FURIN: variants seen among roughly 807,000 people sequenced by gnomAD.
The protein encoded by FURIN is FES upstream region.
A neutral mutation model predicts 89.2 loss-of-function variants in FURIN; 18 were observed. The observed-to-expected ratio is 0.20, with a 90% CI of 0.14 to 0.30. The LOEUF is 0.30. Ranked by LOEUF, FURIN falls within the 10% of genes least tolerant of loss-of-function variation. The probability of loss-of-function intolerance (pLI) is 1.00; values close to 1 mark genes in which losing one functional copy is unlikely to be tolerated. For synonymous variants in FURIN, 508 were observed against 466.4 expected (o/e 1.09, Z -1.15); for missense variants, 879 against 1,100.5 (o/e 0.80, Z 2.85).
rs923239134 is a variant in FURIN, at chr15:90,877,301, A to G, written c.578+90A>G. ...AGCCTGGGTGAGATGTGCCTTGCCT[A>G]AAAGGCTGAGGCTTTTCCCACAGTC... On this transcript the variant is annotated intron_variant, in intron 6 of 15. Transcript: ENST00000268171. 21 of 1,176,138 alleles carry G rather than the reference A, an allele frequency of 1.8e-5. 1 individual carries two copies. The African/African-American group carries it at 2.2e-4, about 12-fold the overall frequency. The allele number at this position is 1,176,138 out of a possible 1,614,324, so 72.9% of individuals were successfully genotyped here. A position where few individuals can be genotyped will look rare whatever the true frequency, so the allele number is the denominator to read the frequency against.
intron 1 of FURIN, among the ~76,000 whole-genome samples, chr15:90,870,676 A>G (rs2031243366): frequency 6.6e-6 from 1 of 152,176 alleles, no homozygotes; most frequent in Admixed American, 6.5e-5. Flanking sequence ...AAGTAGCACA[A>G]ACGTTTTCTA....
At position 90,879,485 on chromosome 15, in the gene FURIN, G is replaced by A. The variant is rs757869832; in HGVS notation, c.1095G>A (p.Thr365=). 5.9e-5 allele frequency: 95 copies of A among 1,613,448 alleles called. No homozygotes were observed. Among genetic ancestry groups the A allele is most frequent in the Non-Finnish European group, 8.5e-7 (1 of 1,179,756 alleles). Residue 365 remains threonine (T), a synonymous_variant, in exon 10 of 16, where the codon ACG becomes ACA. Coordinates refer to ENST00000268171, the MANE Select transcript of FURIN (RefSeq NM_002569.4). The part of the protein sequence containing the change: ...DLRQKCTESH[T]GTSASAPLAA... ...GGCAGAAGTGCACGGAGTCTCACAC[G>A]GGCACCTCAGCCTCTGCCCCCTTAG...
At chr15:90,880,533 G>A (rs575587476) in intron 13 of FURIN, among the ~76,000 whole-genome samples, 158 bp from the exon 14 acceptor site, 5 of 152,158 alleles carry the variant, frequency 3.3e-5, no homozygotes, top group African/African-American at 7.2e-5. Flanking sequence ...AGTTGAGCAC[G>A]TCTGGCTCAC....
At chr15:90,870,655 C>A (rs1449184158) in intron 1 of FURIN, among the ~76,000 whole-genome samples, 2 of 152,186 alleles carry the variant, frequency 1.3e-5, no homozygotes, top group Non-Finnish European at 2.9e-5. Flanking sequence ...CAAGCAGCGT[C>A]GGCCTCAGCC....
chr15:90,880,404 AG>A, intron 13 of FURIN, 131 bp downstream of exon 13: 1 of 782,628 alleles, frequency 1.3e-6, no homozygotes, highest in Non-Finnish European at 2.0e-6. Flanking sequence ...GCATTTTGGG[AG>A]GGACAATTTT....
At chr15:90,879,098 T>C in intron 9 of FURIN, 122 bp downstream of exon 9, 1 of 658,482 alleles carries the variant, frequency 1.5e-6, no homozygotes, top group Non-Finnish European at 2.7e-6. Flanking sequence ...GGCTCAGGCA[T>C]CATGCAACAT....
intron 13 of FURIN, 106 bp from the exon 14 acceptor site, chr15:90,880,585 G>T: frequency 7.8e-7 from 1 of 1,278,794 alleles, no homozygotes; most frequent in South Asian, 1.5e-5. Flanking sequence ...GCCCCATGGG[G>T]TTGGTCTGCG....
chr15:90,877,271 G>T, intron 6 of FURIN, 60 bp downstream of exon 6: 1 of 1,358,220 alleles, frequency 7.4e-7, no homozygotes, highest in Non-Finnish European at 1.0e-6. Flanking sequence ...TAAGGAACAG[G>T]GCTGAGCCTG....
intron 1 of FURIN, among the ~76,000 whole-genome samples, chr15:90,875,094 G>T (rs1343573565): frequency 1.3e-5 from 2 of 149,084 alleles, no homozygotes; most frequent in African/African-American, 2.5e-5. Flanking sequence ...GAATGCAGTG[G>T]CGCGATCTTG....
chr15:90,880,318 TCA>T (rs1163198197), intron 13 of FURIN, 45 bp downstream of exon 13: 2 of 1,480,314 alleles, frequency 1.4e-6, no homozygotes. Flanking sequence ...CCGCCGCCTC[TCA>T]CAGCCCGCGT....
intron 8 of FURIN, among the ~76,000 whole-genome samples, 154 bp downstream of exon 8, chr15:90,878,458 C>T (rs1253303078): frequency 6.6e-6 from 1 of 152,234 alleles, no homozygotes; most frequent in Non-Finnish European, 1.5e-5. Context: ...GAGTAGAGTG[C>T]ATATACCACT....
chr15:90,876,542 T>C lies in FURIN; in HGVS notation c.357T>C (p.Pro119=). ...AGGAGCCCACAGACCCCAAGTTTCC[T>C]CAGCAGTGGTACCTGGTACGTGGCC... ...VYQEPTDPKF[P]QQWYLSGVTQ... The change falls in exon 4 of 16, where the codon CCT becomes CCC. Residue 119 remains proline (P), a synonymous_variant. Transcript: ENST00000268171. The surrounding 1 kb of genome is among the most constrained non-coding windows in gnomAD (Gnocchi z 5.0). 1 of 1,611,620 alleles carries C rather than the reference T, an allele frequency of 6.2e-7. No individual in the cohort carries two copies. Among genetic ancestry groups the C allele is most frequent in the Non-Finnish European group, 8.5e-7 (1 of 1,177,710 alleles).
In FURIN at chr15:90,881,327, C is replaced by T; in HGVS notation, c.1834C>T (p.Gln612Ter). 6.2e-7 allele frequency: 1 copy of T among 1,612,140 alleles called. No homozygotes were observed. Among genetic ancestry groups the T allele is most frequent in the Non-Finnish European group, 8.5e-7 (1 of 1,179,216 alleles). ...GFSLHQKSCV[Q>*]HCPPGFAPQV... ...CTCCCTGCACCAGAAGAGCTGTGTC[C>T]AGCACTGCCCTCCAGGGTTCGCCCC... is the stretch of plus-strand genomic sequence containing the variant. The change falls in exon 16 of 16, where the codon CAG (glutamine) becomes TAG (stop). Residue 612 changes from glutamine to a stop codon, truncating the protein, a stop_gained. Coordinates refer to ENST00000268171, the MANE Select transcript of FURIN (RefSeq NM_002569.4). LOFTEE classifies it high-confidence loss of function. This position sits in a 1 kb window ranked among gnomAD's most constrained non-coding sequence, Gnocchi z 4.3.
chr15:90,875,097 C>T (rs1276640418), intron 1 of FURIN, among the ~76,000 whole-genome samples: 13 of 145,644 alleles, frequency 8.9e-5, no homozygotes, highest in Non-Finnish European at 1.3e-4. Context: ...TGCAGTGGCG[C>T]GATCTTGGCT....
At position 90,880,113 on chromosome 15, in the gene FURIN, G is replaced by A. The variant is rs1008495001; in HGVS notation, c.1396G>A (p.Glu466Lys). ...TEPKDIGKRL[E>K]VRKTVTACLG... Reference sequence around the variant, plus strand: ...GCACAGAGACATCGGGAAACGGCTCGAGGTGCGGAAGACCGTGACCGCGTG... The same window carrying A: ...GCACAGAGACATCGGGAAACGGCTCAAGGTGCGGAAGACCGTGACCGCGTG... The change falls in exon 13 of 16, where the codon GAG (glutamate) becomes AAG (lysine). Residue 466 changes from glutamate (E) to lysine (K), a missense_variant. By Grantham distance (56) the Glu-to-Lys change is moderately conservative (BLOSUM62 1). Coordinates refer to ENST00000268171, the MANE Select transcript of FURIN (RefSeq NM_002569.4). 5 of 1,606,790 alleles carry A rather than the reference G, an allele frequency of 3.1e-6. No individual in the cohort carries two copies. The highest frequency in any genetic ancestry group is 1.3e-5 in the African/African-American group (1 of 74,976).
At position 90,872,927 on chromosome 15, in the gene FURIN, G is replaced by C. The variant is rs549649398; in HGVS notation, c.-159-2655G>C. The stretch of plus-strand genomic sequence containing the variant: ...GGCGCAATTTGAGTGGCCCAGAGTG[G>C]CTCTCTGTGTCAGGAGGTTCTGGTG... On this transcript the variant is annotated intron_variant, in intron 1 of 15. Coordinates refer to ENST00000268171, the MANE Select transcript of FURIN (RefSeq NM_002569.4). 4.6e-5 allele frequency: 7 copies of C among 152,506 alleles called. No individual in the cohort carries two copies. The East Asian group carries it at 9.7e-4, about 21-fold the overall frequency. 9.4% of individuals were successfully genotyped at this position (152,506 alleles called of 1,614,324 possible).
At chr15:90,870,314 C>G (rs1296465220) in intron 1 of FURIN, among the ~76,000 whole-genome samples, 1 of 152,178 alleles carries the variant, frequency 6.6e-6, no homozygotes, top group Non-Finnish European at 1.5e-5. Flanking sequence ...CTCTGGGCCT[C>G]AGTTTCCTCC....
chr15:90,880,646 G>T (rs769817501), intron 13 of FURIN, 45 bp from the exon 14 acceptor site: 6 of 1,573,110 alleles, frequency 3.8e-6, no homozygotes, highest in Non-Finnish European at 4.3e-6. Context: ...TCCCTGGCTT[G>T]GGGTCCCGCA....
intron 14 of FURIN, 38 bp from the exon 15 acceptor site, chr15:90,880,891 CA>C: frequency 6.2e-7 from 1 of 1,610,420 alleles, no homozygotes; most frequent in Non-Finnish European, 8.5e-7. Flanking sequence ...GTGGTGCCAG[CA>C]CTGTCTTAAC....
Sources: gnomAD v4.1 joint callset for allele counts (sites outside exome capture counted in the v4.1 genomes callset) on GRCh38, gnomAD v4.1.1 for gene constraint, Gnocchi (gnomAD v3.1) non-coding constraint, MANE v1.5 for transcripts, NCBI Gene and HGNC (gene_info 2026-07-23, HGNC 2026-07-21) for gene names.